CD5L: variants seen among roughly 807,000 people sequenced by gnomAD.
CD5L encodes CD5 molecule like.
In CD5L, 39 loss-of-function variants were observed where a neutral mutation model predicts 40.8. The ratio of observed to expected loss-of-function variants is 0.96; its 90% confidence interval spans 0.74 to 1.25. CD5L has a LOEUF of 1.25. Ranked by LOEUF, CD5L falls within the 50% of genes most tolerant of loss-of-function variation. CD5L has a pLI of 0.00. For synonymous variants in CD5L, 192 were observed against 169.6 expected (o/e 1.13, Z -1.03); for missense variants, 433 against 435.9 (o/e 0.99, Z 0.06).
chr1:157,837,771 A>ATTT (rs55700960), intron 2 of CD5L, among the ~76,000 whole-genome samples: 9 of 111,636 alleles, frequency 8.1e-5, no homozygotes, highest in East Asian at 7.4e-4. Context: ...TAATCTAGCT[A>ATTT]TTTTTTTTTT....
At chr1:157,834,325 G>A in intron 4 of CD5L, 82 bp downstream of exon 4, 1 of 1,170,526 alleles carries the variant, frequency 8.5e-7, no homozygotes, top group African/African-American at 1.5e-5. Context: ...TGCGTTAGTA[G>A]CTCTTTGTAA....
At chr1:157,836,197 T>A (rs769064712) in intron 2 of CD5L, 42 bp from the exon 3 acceptor site, 2 of 1,545,108 alleles carry the variant, frequency 1.3e-6, no homozygotes, top group Non-Finnish European at 8.8e-7. Flanking sequence ...TGAGAGGAGC[T>A]CAGAGGGTCC....
intron 3 of CD5L, 98 bp from the exon 4 acceptor site, chr1:157,834,846 A>G: frequency 1.1e-6 from 1 of 879,624 alleles, no homozygotes; most frequent in Non-Finnish European, 1.8e-6. Context: ...CTTGGTGTTC[A>G]GTACAAGGCA....
At chr1:157,839,503 C>T in intron 1 of CD5L, 93 bp from the exon 2 acceptor site, 1 of 1,339,164 alleles carries the variant, frequency 7.5e-7, no homozygotes, top group Non-Finnish European at 1.0e-6. Context: ...CTGTGTGAGA[C>T]AAGAGTGGTA....
rs1656092186 is a variant in CD5L at position 157,833,104 on chromosome 1, C to T, written c.1039+88G>A. 4.7e-6 allele frequency: 5 copies of T among 1,056,064 alleles called. No individual in the cohort carries two copies. In the East Asian group the frequency reaches 7.2e-5, roughly 15 times the overall value. The allele number at this position is 1,056,064 out of a possible 1,614,324, so 65.4% of individuals were successfully genotyped here. A position where few individuals can be genotyped will look rare whatever the true frequency, so the allele number is the denominator to read the frequency against. On this transcript the variant is annotated intron_variant, in intron 5 of 5. Coordinates refer to ENST00000368174, the MANE Select transcript of CD5L (RefSeq NM_005894.3). ...CAGCTTCATGGCGCTTGTGAAAATA[C>T]CCTTTTCCCCAGAGTACACCCCCAT...
chr1:157,838,295 A>G (rs1260603039), intron 2 of CD5L, among the ~76,000 whole-genome samples: 1 of 152,202 alleles, frequency 6.6e-6, no homozygotes, highest in Admixed American at 6.5e-5. Flanking sequence ...AGGCTTATAG[A>G]TCTGGGTAAA....
At position 157,831,020 on chromosome 1, in the gene CD5L, T is replaced by C. The variant is rs1196401939; in HGVS notation, c.*944A>G. The C allele has an allele frequency of 4.1e-6, 4 of 985,160 alleles. No homozygotes were observed. Among genetic ancestry groups the C allele is most frequent in the East Asian group, 2.3e-4 (2 of 8,832 alleles). 61.0% of individuals were successfully genotyped at this position (985,160 alleles called of 1,614,324 possible). On this transcript the variant is annotated 3_prime_UTR_variant, in exon 6 of 6. Coordinates refer to ENST00000368174, the MANE Select transcript of CD5L (RefSeq NM_005894.3). ...AATCTAAAGTTGTCAATTTTTACAA[T>C]CAAGTCTTGATTCTCTTATTTCTGT... is the stretch of plus-strand genomic sequence containing the variant.
chr1:157,827,268 ATGTGTGTGTGTGTGTGTGTGTGTG>A (rs4060881), downstream of CD5L, among the ~76,000 whole-genome samples: 3 of 143,416 alleles, frequency 2.1e-5, no homozygotes, highest in South Asian at 2.3e-4. Flanking sequence ...CAAATGGTGT[ATGTGTGTGTGTGTGTGTGTGTGTG>A]TGTGTGTGTG....
At chr1:157,837,351 G>C (rs865956651) in intron 2 of CD5L, among the ~76,000 whole-genome samples, 1 of 128,558 alleles carries the variant, frequency 7.8e-6, no homozygotes, top group Admixed American at 7.9e-5. Context: ...TGTTAGGTGC[G>C]TACTACATTT....
At chr1:157,839,567 C>T (rs1438585714) in intron 1 of CD5L, among the ~76,000 whole-genome samples, 157 bp from the exon 2 acceptor site, 1 of 152,204 alleles carries the variant, frequency 6.6e-6, no homozygotes, top group South Asian at 2.1e-4. Flanking sequence ...CTGGGATGAC[C>T]ATCCTCCAAG....
Position 157,831,100 on chromosome 1 carries a change from T to C in CD5L, c.*864A>G, listed in dbSNP as rs1406489530. 2.0e-6 allele frequency: 2 copies of C among 985,334 alleles called. No individual in the cohort carries two copies. The highest frequency in any genetic ancestry group is 2.4e-6 in the Non-Finnish European group (2 of 829,942). The allele number at this position is 985,334 out of a possible 1,614,324, so 61.0% of individuals were successfully genotyped here. ...TCAGTTGATAAAGTGAAAATGATAT[T>C]TTTCACTTTCGCTTGGCATAAGACA... is the stretch of plus-strand genomic sequence containing the variant. On this transcript the variant is annotated 3_prime_UTR_variant, in exon 6 of 6. Coordinates refer to ENST00000368174, the MANE Select transcript of CD5L (RefSeq NM_005894.3).
chr1:157,834,643 G>T lies in CD5L; in HGVS notation c.482C>A (p.Thr161Asn), dbSNP rs1407301841. 36 of 1,614,174 alleles carry T rather than the reference G, an allele frequency of 2.2e-5. No individual in the cohort carries two copies. The highest frequency in any genetic ancestry group is 3.1e-5 in the Non-Finnish European group (36 of 1,180,024). ...VEVKHQNQWY[T>N]VCQTGWSLRA... ...GAGGCTCCAGCCTGTCTGGCACACGGTATACCACTGGTTCTGGTGCTTCAC... is the reference window on the plus strand; with the variant it reads ...GAGGCTCCAGCCTGTCTGGCACACGTTATACCACTGGTTCTGGTGCTTCAC... The change falls in exon 4 of 6, where the codon ACC becomes AAC. Residue 161 changes from threonine (T) to asparagine (N), a missense_variant. Thr to Asn is a moderately conservative substitution (Grantham distance 65). Coordinates refer to ENST00000368174, the MANE Select transcript of CD5L (RefSeq NM_005894.3).
rs1656041321 is a variant in CD5L, at chr1:157,831,329, G to A, written c.*635C>T. 3.0e-6 allele frequency: 3 copies of A among 985,236 alleles called. No homozygotes were observed. The African/African-American group carries it at 5.2e-5, about 17-fold the overall frequency. The allele number at this position is 985,236 out of a possible 1,614,324, so 61.0% of individuals were successfully genotyped here. A position where few individuals can be genotyped will look rare whatever the true frequency, so the allele number is the denominator to read the frequency against. ...TGAAACATCATTTTTTACACGTCATGAAAAGGTCTAGGATTATAGGACGCT... is the reference window on the plus strand; with the variant it reads ...TGAAACATCATTTTTTACACGTCATAAAAAGGTCTAGGATTATAGGACGCT... On this transcript the variant is annotated 3_prime_UTR_variant, in exon 6 of 6. Transcript: ENST00000368174.
rs779097185 is a variant in CD5L at position 157,834,496 on chromosome 1, C to G, written c.629G>C (p.Gly210Ala). 9 of 1,614,094 alleles carry G rather than the reference C, an allele frequency of 5.6e-6. No homozygotes were observed. The East Asian group carries it at 2.0e-4, about 36-fold the overall frequency. Residue 210 changes from glycine (G) to alanine (A), a missense_variant, in exon 4 of 6, where the codon GGA becomes GCA. By Grantham distance (60) the Gly-to-Ala change is moderately conservative (BLOSUM62 0). Coordinates refer to ENST00000368174, the MANE Select transcript of CD5L (RefSeq NM_005894.3). ...GCAATCCTGAAGGGTTGCTTCTCGT[C>G]CTGAGCATGACATCTGGCTCAGCCA... is the stretch of plus-strand genomic sequence containing the variant. ...PIWLSQMSCS[G>A]REATLQDCPS...
intron 5 of CD5L, among the ~76,000 whole-genome samples, chr1:157,832,215 C>T (rs1274801449): frequency 6.6e-6 from 1 of 152,206 alleles, no homozygotes; most frequent in Non-Finnish European, 1.5e-5. Flanking sequence ...TATCCTCACA[C>T]AATCACAAAG....
At chr1:157,833,128 A>C (rs1214763498) in intron 5 of CD5L, 64 bp downstream of exon 5, 1 of 1,313,592 alleles carries the variant, frequency 7.6e-7, no homozygotes, top group East Asian at 2.3e-5. Context: ...GTACACCCCC[A>C]TCATTTCCTC....
chr1:157,829,954 C>T (rs1489537211), downstream of CD5L, among the ~76,000 whole-genome samples: 3 of 152,186 alleles, frequency 2.0e-5, no homozygotes, highest in Non-Finnish European at 4.4e-5. Context: ...TCATATATCT[C>T]TGTGGAAGGG....
At chr1:157,837,604 G>T (rs1343776079) in intron 2 of CD5L, among the ~76,000 whole-genome samples, 1 of 152,078 alleles carries the variant, frequency 6.6e-6, no homozygotes, top group African/African-American at 2.4e-5. Context: ...AGCTTAATAG[G>T]GGCCAACATG....
chr1:157,836,752 G>A (rs568010929), intron 2 of CD5L, among the ~76,000 whole-genome samples: 3 of 152,284 alleles, frequency 2.0e-5, no homozygotes, highest in Admixed American at 1.3e-4. Context: ...GCCCATACTT[G>A]CTGCTTCCTA....
Sources: allele counts gnomAD v4.1 joint callset (sites outside exome capture counted in the v4.1 genomes callset), GRCh38; gene constraint gnomAD v4.1.1; transcripts MANE v1.5; gene names NCBI Gene and HGNC (gene_info 2026-07-23, HGNC 2026-07-21).